DAB1: variants seen among roughly 807,000 people sequenced by gnomAD.
DAB1 encodes DAB adaptor protein 1, also known as disabled homolog 1.
In DAB1, 15 loss-of-function variants were observed where a neutral mutation model predicts 64.6. The observed-to-expected ratio is 0.23, with a 90% CI of 0.16 to 0.36. DAB1 has a LOEUF of 0.36. Among genes scored for constraint, DAB1 ranks in the 10% least tolerant of loss-of-function variants. DAB1 has a pLI of 1.00. For missense variants in DAB1, 596 were observed against 706.7 expected (o/e 0.84, Z 1.78); for synonymous variants, 235 against 251.9 (o/e 0.93, Z 0.64).
intron 1 of DAB1, among the ~76,000 whole-genome samples, chr1:57,357,552 T>C (rs141002213): frequency 0.087 from 10,640 of 122,584 alleles, 436 homozygotes; most frequent in Middle Eastern, 0.15. Context: ...CTATTGTAAA[T>C]GGGATTGTTT....
chr1:58,516,206 CA>C (rs1370836936), intron 2 of DAB1, among the ~76,000 whole-genome samples: 3 of 152,186 alleles, frequency 2.0e-5, no homozygotes, highest in Non-Finnish European at 1.5e-5. Flanking sequence ...AATCATACAC[CA>C]TGTCATCCTA....
chr1:57,404,911 T>G (rs1683512822), intron 1 of DAB1, among the ~76,000 whole-genome samples: 1 of 152,216 alleles, frequency 6.6e-6, no homozygotes, highest in African/African-American at 2.4e-5. Context: ...CTTTTTTATA[T>G]CCTAACAGTT....
chr1:57,030,467 G>A (rs1646932414), intron 9 of DAB1, among the ~76,000 whole-genome samples: 1 of 152,190 alleles, frequency 6.6e-6, no homozygotes, highest in Non-Finnish European at 1.5e-5. Flanking sequence ...TCCAGGCAGA[G>A]GAAACTGCTT....
intron 4 of DAB1, among the ~76,000 whole-genome samples, chr1:58,316,032 A>G (rs977857639): frequency 6.6e-6 from 1 of 152,236 alleles, no homozygotes; most frequent in Non-Finnish European, 1.5e-5. Flanking sequence ...AATCCTAAGT[A>G]CTACTGCATA....
chr1:58,256,184 G>A (rs1003039798), intron 4 of DAB1, among the ~76,000 whole-genome samples: 6 of 152,218 alleles, frequency 3.9e-5, no homozygotes, highest in Admixed American at 1.3e-4. Context: ...TTAAGAGAAC[G>A]CTCTTCACTA....
intron 3 of DAB1, among the ~76,000 whole-genome samples, chr1:58,495,236 A>G (rs193022441): frequency 3.5e-4 from 54 of 152,248 alleles, no homozygotes; most frequent in African/African-American, 1.2e-3. Flanking sequence ...ACATGGACAC[A>G]GGAAGGGGAA....
At chr1:58,471,135 GT>G (rs1645352945) in intron 3 of DAB1, among the ~76,000 whole-genome samples, 1 of 152,214 alleles carries the variant, frequency 6.6e-6, no homozygotes. Flanking sequence ...TTCACAAAAA[GT>G]TTTGAGGCAG....
chr1:58,302,069 G>A (rs773856278), intron 4 of DAB1, among the ~76,000 whole-genome samples: 33 of 152,246 alleles, frequency 2.2e-4, no homozygotes, highest in South Asian at 1.2e-3. Context: ...ATTGTGGGGT[G>A]AGAGATGGGA....
At chr1:57,339,195 G>A (rs373422828) in intron 1 of DAB1, among the ~76,000 whole-genome samples, 205 of 144,164 alleles carry the variant, frequency 1.4e-3, no homozygotes, top group Middle Eastern at 0.012. Flanking sequence ...TCGCTCTGTC[G>A]CCCAGGCTGG....
chr1:57,030,488 G>A (rs185168670), intron 9 of DAB1, among the ~76,000 whole-genome samples: 9 of 152,350 alleles, frequency 5.9e-5, no homozygotes, highest in Admixed American at 3.9e-4. Context: ...AAAATGGCCA[G>A]AGGCCCAGAA....
At chr1:57,267,158 A>T (rs1670647561) in intron 2 of DAB1, among the ~76,000 whole-genome samples, 1 of 152,142 alleles carries the variant, frequency 6.6e-6, no homozygotes, top group Non-Finnish European at 1.5e-5. Flanking sequence ...CATAAGAGAC[A>T]CATAGAGAAG....
chr1:57,490,638 T>C (rs550658758), intron 7 of DAB1, among the ~76,000 whole-genome samples: 4 of 152,322 alleles, frequency 2.6e-5, no homozygotes, highest in Admixed American at 2.0e-4. Context: ...AGAGAACCCA[T>C]TAATAATGAC....
At chr1:58,206,650 A>T (rs1456117291) in intron 4 of DAB1, among the ~76,000 whole-genome samples, 1 of 152,218 alleles carries the variant, frequency 6.6e-6, no homozygotes, top group Non-Finnish European at 1.5e-5. Context: ...TGCTGTTTTT[A>T]GAGTAGTGAA....
chr1:58,070,273 AT>A (rs1649150770), intron 5 of DAB1, among the ~76,000 whole-genome samples: 1 of 152,306 alleles, frequency 6.6e-6, no homozygotes, highest in African/African-American at 2.4e-5. Flanking sequence ...AATCCCAAAT[AT>A]TGGTTCAGAA....
At chr1:58,111,670 C>A (rs1027042885) in intron 5 of DAB1, among the ~76,000 whole-genome samples, 1 of 152,120 alleles carries the variant, frequency 6.6e-6, no homozygotes, top group African/African-American at 2.4e-5. Flanking sequence ...CATATCACTG[C>A]GCCTGCTGCT....
intron 3 of DAB1, among the ~76,000 whole-genome samples, chr1:58,397,546 T>C (rs2100560773): frequency 6.6e-6 from 1 of 152,268 alleles, no homozygotes; most frequent in South Asian, 2.1e-4. Context: ...AGGCCACGCC[T>C]CCACATCTGG....
chr1:58,390,156 C>A (rs1270511324), intron 3 of DAB1, among the ~76,000 whole-genome samples: 3 of 152,076 alleles, frequency 2.0e-5, no homozygotes, highest in African/African-American at 7.2e-5. Context: ...AAAAAGCTTC[C>A]AGAATGCACC....
intron 7 of DAB1, among the ~76,000 whole-genome samples, chr1:57,575,294 T>C (rs1645237231): frequency 6.6e-6 from 1 of 152,262 alleles, no homozygotes; most frequent in African/African-American, 2.4e-5. Flanking sequence ...ATAGTGTTAA[T>C]AGTACCTTTA....
intron 7 of DAB1, among the ~76,000 whole-genome samples, chr1:57,619,650 G>A (rs56171625): frequency 2.0e-5 from 3 of 151,998 alleles, no homozygotes; most frequent in African/African-American, 4.8e-5. Flanking sequence ...GTTTCTCCCC[G>A]CTTGGCCTCC....
Sources: gnomAD v4.1 joint callset for allele counts (sites outside exome capture counted in the v4.1 genomes callset) on GRCh38, gnomAD v4.1.1 for gene constraint, MANE v1.5 for transcripts, NCBI Gene and HGNC (gene_info 2026-07-23, HGNC 2026-07-21) for gene names.